Variants in KCNT2 observed in about 807,000 individuals in gnomAD.
The protein encoded by KCNT2 is potassium sodium-activated channel subfamily T member 2, also known as potassium channel subfamily T member 2.
A neutral mutation model predicts 153.8 loss-of-function variants in KCNT2; 67 were observed. The ratio of observed to expected loss-of-function variants is 0.44; its 90% confidence interval spans 0.36 to 0.53. The LOEUF (loss-of-function observed/expected upper bound fraction) is 0.53. KCNT2 is among the 20% of genes least tolerant of loss of function. The probability of loss-of-function intolerance (pLI) is 0.00; values close to 1 mark genes in which losing one functional copy is unlikely to be tolerated. For missense variants in KCNT2, 975 were observed against 1,354.8 expected (o/e 0.72, Z 4.40); for synonymous variants, 500 against 458.8 (o/e 1.09, Z -1.15).
intron 14 of KCNT2, among the ~76,000 whole-genome samples, chr1:196,351,388 G>A (rs1179181934): frequency 6.6e-6 from 1 of 152,088 alleles, no homozygotes; most frequent in Non-Finnish European, 1.5e-5. Context: ...ATTGAGCAGT[G>A]GTTTGTAGTT....
At chr1:196,528,502 A>G (rs1488216306) in intron 1 of KCNT2, among the ~76,000 whole-genome samples, 1 of 152,200 alleles carries the variant, frequency 6.6e-6, no homozygotes, top group Non-Finnish European at 1.5e-5. Flanking sequence ...TTTTCCGATG[A>G]TATCTAAGCC....
At chr1:196,335,979 C>G (rs1318050274) in intron 16 of KCNT2, among the ~76,000 whole-genome samples, 1 of 151,862 alleles carries the variant, frequency 6.6e-6, no homozygotes, top group Non-Finnish European at 1.5e-5. Context: ...TTGCATATAC[C>G]CCTGGATCCC....
intron 1 of KCNT2, among the ~76,000 whole-genome samples, chr1:196,572,775 A>G (rs1430041435): frequency 2.0e-5 from 3 of 152,148 alleles, no homozygotes; most frequent in African/African-American, 7.2e-5. Context: ...AGAATGAATT[A>G]ACGCATAGGA....
intron 12 of KCNT2, among the ~76,000 whole-genome samples, chr1:196,419,831 T>C (rs1673056564): frequency 6.6e-6 from 1 of 152,046 alleles, no homozygotes; most frequent in African/African-American, 2.4e-5. Flanking sequence ...CTTTTCCTTT[T>C]TCCTTTGGCT....
At chr1:196,296,968 A>T (rs767112477) in intron 22 of KCNT2, among the ~76,000 whole-genome samples, 1 of 152,088 alleles carries the variant, frequency 6.6e-6, no homozygotes, top group Non-Finnish European at 1.5e-5. Flanking sequence ...TCCTTGTCTA[A>T]TGTGATATTC....
In KCNT2 at chr1:196,542,845, G is replaced by A. The variant is rs573689956; in HGVS notation, c.96-50504C>T. ...AAAGGATGATCAGTATTGAAGAACTGTCAGTCTATGTGTTATGAAATAAGA... is the reference window on the plus strand; with the variant it reads ...AAAGGATGATCAGTATTGAAGAACTATCAGTCTATGTGTTATGAAATAAGA... On this transcript the variant is annotated intron_variant, in intron 1 of 27. Coordinates refer to ENST00000294725, the MANE Select transcript of KCNT2 (RefSeq NM_198503.5). Among the ~76,000 whole-genome samples the A allele has an allele frequency of 6.6e-5, 10 of 152,150 alleles. No homozygotes were observed. The South Asian group carries it at 2.1e-3, about 32-fold the overall frequency.
intron 1 of KCNT2, among the ~76,000 whole-genome samples, chr1:196,492,921 A>T (rs1352979315): frequency 6.6e-6 from 1 of 152,170 alleles, no homozygotes; most frequent in Non-Finnish European, 1.5e-5. Context: ...GCAGTGGCAA[A>T]TAGAACTGTT....
intron 14 of KCNT2, among the ~76,000 whole-genome samples, chr1:196,366,146 C>T (rs1162321323): frequency 6.6e-6 from 1 of 151,698 alleles, no homozygotes; most frequent in East Asian, 1.9e-4. Flanking sequence ...TCTTTATTTA[C>T]TTATTTATTT....
chr1:196,301,455 T>A (rs141592302), intron 22 of KCNT2, among the ~76,000 whole-genome samples: 29 of 152,274 alleles, frequency 1.9e-4, no homozygotes, highest in African/African-American at 6.7e-4. Flanking sequence ...CTATATCCCC[T>A]ACAGTAGATA....
chr1:196,347,549 T>C (rs556727842), intron 14 of KCNT2, among the ~76,000 whole-genome samples: 5 of 152,162 alleles, frequency 3.3e-5, no homozygotes, highest in Admixed American at 6.6e-5. Flanking sequence ...TTTACAGTAA[T>C]GTAGTAAGAG....
chr1:196,277,188 T>C (rs1253375672), intron 25 of KCNT2, among the ~76,000 whole-genome samples: 1 of 152,164 alleles, frequency 6.6e-6, no homozygotes, highest in Non-Finnish European at 1.5e-5. Flanking sequence ...CTGAACTTCA[T>C]ATTATAAGCT....
At chr1:196,281,051 T>G in intron 24 of KCNT2, 63 bp from the exon 25 acceptor site, 1 of 1,278,580 alleles carries the variant, frequency 7.8e-7, no homozygotes, top group Non-Finnish European at 1.1e-6. Flanking sequence ...AGTGGTAACT[T>G]TACATTTCTT....
chr1:196,584,657 T>C (rs533648123), intron 1 of KCNT2, among the ~76,000 whole-genome samples: 25 of 152,270 alleles, frequency 1.6e-4, no homozygotes, highest in South Asian at 1.2e-3. Flanking sequence ...TTGTAGTAAC[T>C]AGAAATAATG....
intron 1 of KCNT2, among the ~76,000 whole-genome samples, chr1:196,568,294 T>C (rs1424295246): frequency 6.6e-6 from 1 of 151,892 alleles, no homozygotes; most frequent in Non-Finnish European, 1.5e-5. Flanking sequence ...CGCCCTTCTA[T>C]AAAAATCTAA....
intron 8 of KCNT2, among the ~76,000 whole-genome samples, chr1:196,432,193 T>G (rs549949929): frequency 3.3e-5 from 5 of 152,214 alleles, no homozygotes; most frequent in Admixed American, 3.3e-4. Flanking sequence ...GTGGTGCCAA[T>G]TTTGCAGGTG....
At chr1:196,316,667 A>G (rs553976820) in intron 20 of KCNT2, among the ~76,000 whole-genome samples, 6 of 151,818 alleles carry the variant, frequency 4.0e-5, no homozygotes, top group South Asian at 2.1e-4. Flanking sequence ...CTTTGGCTGG[A>G]TGAAGTAATT....
chr1:196,448,838 A>T (rs1675914228), intron 8 of KCNT2, among the ~76,000 whole-genome samples: 1 of 151,710 alleles, frequency 6.6e-6, no homozygotes, highest in African/African-American at 2.4e-5. Flanking sequence ...ACGACACTCT[A>T]GATAGCTGTA....
intron 12 of KCNT2, among the ~76,000 whole-genome samples, chr1:196,405,080 G>A (rs1448362311): frequency 6.6e-6 from 1 of 151,192 alleles, no homozygotes; most frequent in Non-Finnish European, 1.5e-5. Context: ...TGTATAACAT[G>A]GCATAAATAT....
intron 27 of KCNT2, among the ~76,000 whole-genome samples, chr1:196,228,952 G>A (rs189195571): frequency 6.6e-6 from 1 of 152,048 alleles, no homozygotes; most frequent in East Asian, 1.9e-4. Flanking sequence ...TCAGCTTATG[G>A]TATAGTAAGT....
Sources: allele counts gnomAD v4.1 joint callset (sites outside exome capture counted in the v4.1 genomes callset), GRCh38; gene constraint gnomAD v4.1.1; transcripts MANE v1.5; gene names NCBI Gene and HGNC (gene_info 2026-07-23, HGNC 2026-07-21).